The following EFEMP1 variants were observed in gnomAD, a reference collection of about 807,000 sequenced individuals.
EFEMP1 encodes the protein EGF-like fibulin extracellular matrix protein 1.
A neutral mutation model predicts 65.7 loss-of-function variants in EFEMP1; 18 were observed. The observed-to-expected ratio is 0.27, with a 90% CI of 0.19 to 0.41. The LOEUF (loss-of-function observed/expected upper bound fraction) is 0.41. Among genes scored for constraint, EFEMP1 ranks in the 10% least tolerant of loss-of-function variants. The pLI is 1.00. For synonymous variants in EFEMP1, 237 were observed against 219.7 expected, an observed-to-expected ratio of 1.08 and a Z score of -0.70; for missense variants, 469 against 624.8, an observed-to-expected ratio of 0.75 and a Z score of 2.66.
chr2:55,892,290 A>G (rs1446048518), intron 5 of EFEMP1, among the ~76,000 whole-genome samples: 3 of 152,160 alleles, frequency 2.0e-5, no homozygotes, highest in Non-Finnish European at 4.4e-5. Flanking sequence ...ATCTGACATT[A>G]AAGCCTACTT....
chr2:55,880,005 A>G (rs1284250420), intron 6 of EFEMP1, among the ~76,000 whole-genome samples: 3 of 152,310 alleles, frequency 2.0e-5, no homozygotes, highest in Middle Eastern at 3.4e-3. Context: ...TTTGACAGTG[A>G]AATAAGAATT....
In EFEMP1 at chr2:55,921,020, T is replaced by TA. The variant is rs1390004153; in HGVS notation, c.81+1339dup. 6.6e-6 allele frequency among the ~76,000 whole-genome samples: 1 copy of TA among 152,158 alleles called. No homozygotes were observed. The highest frequency in any genetic ancestry group is 1.5e-5 in the Non-Finnish European group (1 of 68,022). ...TTAAGCCACAGGGAACCTTCTCTGG[T>TA]AAAAATGAGGAAGATTTAGGTGATT... On this transcript the variant is annotated intron_variant, in intron 3 of 11. Transcript: ENST00000355426. This position sits in a 1 kb window ranked among gnomAD's most constrained non-coding sequence, Gnocchi z 4.1.
chr2:55,899,590 G>T (rs943975217), intron 5 of EFEMP1, among the ~76,000 whole-genome samples: 1 of 152,144 alleles, frequency 6.6e-6, no homozygotes, highest in Non-Finnish European at 1.5e-5. Context: ...CCTTTAATGC[G>T]TATGGGGCAA....
intron 11 of EFEMP1, among the ~76,000 whole-genome samples, chr2:55,869,930 G>T (rs966363254): frequency 2.6e-5 from 4 of 152,180 alleles, no homozygotes; most frequent in African/African-American, 9.6e-5. Flanking sequence ...GGGTCAGGGA[G>T]ACCAGCTCAG....
intron 5 of EFEMP1, among the ~76,000 whole-genome samples, chr2:55,912,526 C>T (rs1670513987): frequency 6.6e-6 from 1 of 152,168 alleles, no homozygotes; most frequent in Non-Finnish European, 1.5e-5. Context: ...GGTAGATGTA[C>T]AGATAATAAC....
chr2:55,872,887 A>G (rs914401169), intron 9 of EFEMP1, among the ~76,000 whole-genome samples: 9 of 152,060 alleles, frequency 5.9e-5, no homozygotes, highest in Admixed American at 5.9e-4. Flanking sequence ...TGTTATATGG[A>G]GTCCAACAGA....
chr2:55,881,699 T>G lies in EFEMP1; in HGVS notation c.553A>C (p.Arg185=), dbSNP rs1214372686. Residue 185 remains arginine (R), a synonymous_variant, in exon 6 of 12, where the codon AGA becomes CGA. Transcript: ENST00000355426. The part of the protein sequence containing the change: ...DECTAGTHNC[R]ADQVCINLRG... ...AAATTGATGCACACTTGGTCTGCTC[T>G]ACAGTTGTGCGTCCCTGCAGTGCAC... is the stretch of plus-strand genomic sequence containing the variant. 6.2e-7 allele frequency: 1 copy of G among 1,613,990 alleles called. No homozygotes were observed. Among genetic ancestry groups the G allele is most frequent in the South Asian group, 1.1e-5 (1 of 91,082 alleles).
In EFEMP1 at chr2:55,866,615, A is replaced by T. The variant is rs1315934795; in HGVS notation, c.*458T>A. The stretch of plus-strand genomic sequence containing the variant: ...AAATATGGCAGATCCCCATTTTCTA[A>T]AGAAATATATCTTTATTGACCTTTT... On this transcript the variant is annotated 3_prime_UTR_variant, in exon 12 of 12. Coordinates refer to ENST00000355426, the MANE Select transcript of EFEMP1 (RefSeq NM_001039348.3). 1.3e-5 allele frequency: 2 copies of T among 158,334 alleles called. No homozygotes were observed. Among genetic ancestry groups the T allele is most frequent in the African/African-American group, 4.8e-5 (2 of 41,492 alleles). 9.8% of individuals were successfully genotyped at this position (158,334 alleles called of 1,614,324 possible).
At chr2:55,904,512 GC>G (rs1208302859) in intron 5 of EFEMP1, among the ~76,000 whole-genome samples, 1 of 152,124 alleles carries the variant, frequency 6.6e-6, no homozygotes, top group East Asian at 1.9e-4. Flanking sequence ...AAAGCAGATG[GC>G]CCTCACCAAA....
At chr2:55,918,194 A>T in intron 4 of EFEMP1, 25 bp downstream of exon 4, 1 of 1,614,152 alleles carries the variant, frequency 6.2e-7, no homozygotes, top group Non-Finnish European at 8.5e-7. Context: ...CAATGATCAC[A>T]TGGAAGTCTT....
At chr2:55,893,671 T>C (rs1049685418) in intron 5 of EFEMP1, among the ~76,000 whole-genome samples, 3 of 152,316 alleles carry the variant, frequency 2.0e-5, no homozygotes, top group African/African-American at 7.2e-5. Flanking sequence ...AAATTATACT[T>C]AACAGTGTGA....
chr2:55,922,871 A>T lies in EFEMP1; in HGVS notation c.-8+28T>A, dbSNP rs2104459413. 26 of 1,148,660 alleles carry T rather than the reference A, an allele frequency of 2.3e-5. No homozygotes were observed. In the South Asian group the frequency reaches 4.9e-4, roughly 22 times the overall value. 71.2% of individuals were successfully genotyped at this position (1,148,660 alleles called of 1,614,324 possible). ...GGGGCTGCAAAACTCTGTTCTCTAG[A>T]ACGTTAAGGCTTTCCCAGTATACTC... On this transcript the variant is annotated intron_variant, in intron 2 of 11. Coordinates refer to ENST00000355426, the MANE Select transcript of EFEMP1 (RefSeq NM_001039348.3). The surrounding 1 kb of genome is among the most constrained non-coding windows in gnomAD (Gnocchi z 5.5).
chr2:55,877,657 T>A lies in EFEMP1; in HGVS notation c.760+89A>T. 6.3e-7 allele frequency: 1 copy of A among 1,584,810 alleles called. No individual in the cohort carries two copies. Among genetic ancestry groups the A allele is most frequent in the Non-Finnish European group, 8.6e-7 (1 of 1,156,668 alleles). Reference sequence around the variant, plus strand: ...AGGGAAGTCGATGGAAACTATTTACTCAAGAACATAGAAAACTGGAAATAC... The same window carrying A: ...AGGGAAGTCGATGGAAACTATTTACACAAGAACATAGAAAACTGGAAATAC... On this transcript the variant is annotated intron_variant, in intron 7 of 11. Transcript: ENST00000355426. The surrounding 1 kb of genome is among the most constrained non-coding windows in gnomAD (Gnocchi z 4.5).
At chr2:55,897,820 T>C (rs189207099) in intron 5 of EFEMP1, among the ~76,000 whole-genome samples, 37 of 152,318 alleles carry the variant, frequency 2.4e-4, no homozygotes, top group Admixed American at 2.4e-3. Flanking sequence ...TTCCTCTATC[T>C]ACAACCAGAT....
chr2:55,909,559 C>T (rs1052798807), intron 5 of EFEMP1, among the ~76,000 whole-genome samples: 10 of 152,142 alleles, frequency 6.6e-5, no homozygotes, highest in African/African-American at 2.4e-4. Context: ...ATGATTATTT[C>T]CTCTGATATT....
rs763174938 is a variant in EFEMP1 at position 55,881,660 on chromosome 2, C to T, written c.592G>A (p.Ala198Thr). ...TGATATCCAGGAGGGCACTGACATG[C>T]AAAGGATCCCCGTAAATTGATGCAC... is the stretch of plus-strand genomic sequence containing the variant. ...QVCINLRGSFACQCPPGYQKR... is the reference protein window; with the variant it reads ...QVCINLRGSFTCQCPPGYQKR... The change falls in exon 6 of 12, where the codon GCA becomes ACA. Residue 198 changes from alanine to threonine, a missense_variant. Ala to Thr is a moderately conservative substitution (Grantham distance 58). Coordinates refer to ENST00000355426, the MANE Select transcript of EFEMP1 (RefSeq NM_001039348.3). 5.6e-6 allele frequency: 9 copies of T among 1,613,910 alleles called. No homozygotes were observed. Among genetic ancestry groups the T allele is most frequent in the African/African-American group, 1.3e-5 (1 of 75,030 alleles).
chr2:55,876,067 A>G (rs1459306384), intron 8 of EFEMP1, among the ~76,000 whole-genome samples: 1 of 152,106 alleles, frequency 6.6e-6, no homozygotes, highest in Non-Finnish European at 1.5e-5. Context: ...CCTGAAGGTC[A>G]TGAATCTAGT....
rs1213278626 is a variant in EFEMP1, at chr2:55,873,646, A to G, written c.1000+1300T>C. ...TCATTGGAATGCAATGTTTTCCCAT[A>G]ATTAACATTTATAAAGTCTCTAGTA... On this transcript the variant is annotated intron_variant, in intron 9 of 11. Coordinates refer to ENST00000355426, the MANE Select transcript of EFEMP1 (RefSeq NM_001039348.3). The surrounding 1 kb of genome is among the most constrained non-coding windows in gnomAD (Gnocchi z 4.6). 1.3e-5 allele frequency among the ~76,000 whole-genome samples: 2 copies of G among 152,140 alleles called. No homozygotes were observed. The highest frequency in any genetic ancestry group is 4.8e-5 in the African/African-American group (2 of 41,542).
At chr2:55,906,220 A>G (rs1359028632) in intron 5 of EFEMP1, among the ~76,000 whole-genome samples, 2 of 123,528 alleles carry the variant, frequency 1.6e-5, no homozygotes, top group Admixed American at 1.7e-4. Context: ...AAAGCCCTGC[A>G]TCTTTTTTTT....
Sources: gnomAD v4.1 joint callset for allele counts (sites outside exome capture counted in the v4.1 genomes callset) on GRCh38, gnomAD v4.1.1 for gene constraint, Gnocchi (gnomAD v3.1) non-coding constraint, MANE v1.5 for transcripts, NCBI Gene and HGNC (gene_info 2026-07-23, HGNC 2026-07-21) for gene names.